Variants in ZC3H3 observed in about 807,000 individuals in gnomAD.
The protein encoded by ZC3H3 is zinc finger CCCH-type containing 3.
A neutral mutation model predicts 77.3 loss-of-function variants in ZC3H3; 36 were observed. That is an observed-to-expected ratio of 0.47 (90% CI 0.36 to 0.61). ZC3H3 has a LOEUF of 0.61. ZC3H3 is among the 20% of genes least tolerant of loss of function. The probability of loss-of-function intolerance (pLI) is 0.00; values close to 1 mark genes in which losing one functional copy is unlikely to be tolerated. For missense variants in ZC3H3, 1,331 were observed against 1,312.2 expected, an observed-to-expected ratio of 1.01 and a Z score of -0.22; for synonymous variants, 626 against 555.2, an observed-to-expected ratio of 1.13 and a Z score of -1.79.
intron 3 of ZC3H3, among the ~76,000 whole-genome samples, chr8:143,508,816 CCT>C (rs893553086): frequency 6.6e-6 from 1 of 152,096 alleles, no homozygotes; most frequent in Non-Finnish European, 1.5e-5. Flanking sequence ...CCCAGCTTCC[CCT>C]GTGCCCGGGA....
At chr8:143,488,732 C>T (rs1054504977) in intron 4 of ZC3H3, among the ~76,000 whole-genome samples, 3 of 152,162 alleles carry the variant, frequency 2.0e-5, no homozygotes, top group Non-Finnish European at 4.4e-5. Context: ...AAGAGACTGG[C>T]AGATTTAAGT....
intron 9 of ZC3H3, among the ~76,000 whole-genome samples, chr8:143,463,281 G>A (rs1023418768): frequency 1.4e-4 from 21 of 150,090 alleles, no homozygotes; most frequent in Middle Eastern, 3.7e-3. Flanking sequence ...CACCGCGCCC[G>A]GCCCAGACCC....
intron 4 of ZC3H3, among the ~76,000 whole-genome samples, chr8:143,507,432 G>A (rs1341158541): frequency 6.6e-6 from 1 of 152,262 alleles, no homozygotes; most frequent in African/African-American, 2.4e-5. Context: ...CTGACCGTCT[G>A]GGCAGCAGAA....
rs191952144 is a variant in ZC3H3, at chr8:143,538,740, G to A, written c.627C>T (p.Gly209=). ...PRMVKSVGSV[G]DSPREPRRTV... ...TCCGGCGGGGCTCCCGGGGGCTGTC[G>A]CCCACACTGCCCACTGACTTCACCA... Residue 209 remains glycine (G), a synonymous_variant, in exon 2 of 12, where the codon GGC becomes GGT. Coordinates refer to ENST00000262577, the MANE Select transcript of ZC3H3 (RefSeq NM_015117.3). The A allele has an allele frequency of 2.5e-5, 40 of 1,609,834 alleles. No homozygotes were observed. The highest frequency in any genetic ancestry group is 2.1e-4 in the African/African-American group (16 of 74,980).
chr8:143,538,076 A>G lies in ZC3H3; in HGVS notation c.1291T>C (p.Ser431Pro), dbSNP rs72691463. 33,261 of 1,612,958 alleles carry G rather than the reference A, an allele frequency of 0.021. 447 individuals carry two copies. The highest frequency in any genetic ancestry group is 0.024 in the Non-Finnish European group (28,247 of 1,179,988). ...TAAGCCGAGAGCGGGGTCTCCCCAG[A>G]GAGGGGCTTCAAGCCACTGTGTCCT... The part of the protein sequence containing the change: ...AVGHSGLKPL[S>P]GETPLSAYKV... Residue 431 changes from serine to proline, a missense_variant, in exon 2 of 12, where the codon TCT becomes CCT. Physicochemically the swap from Ser to Pro is moderately conservative, Grantham distance 74. Coordinates refer to ENST00000262577, the MANE Select transcript of ZC3H3 (RefSeq NM_015117.3).
intron 9 of ZC3H3, among the ~76,000 whole-genome samples, chr8:143,447,030 A>C (rs1819878581): frequency 6.6e-6 from 1 of 152,234 alleles, no homozygotes; most frequent in African/African-American, 2.4e-5. Context: ...GCTGACATGA[A>C]GGGCACAGGG....
intron 4 of ZC3H3, among the ~76,000 whole-genome samples, chr8:143,505,352 C>T (rs984633387): frequency 1.3e-5 from 2 of 152,252 alleles, no homozygotes; most frequent in Non-Finnish European, 2.9e-5. Context: ...CCGGAGATGG[C>T]GCATGGGCCA....
At chr8:143,459,861 T>G (rs1820212208) in intron 9 of ZC3H3, among the ~76,000 whole-genome samples, 2 of 152,198 alleles carry the variant, frequency 1.3e-5, no homozygotes, top group South Asian at 4.1e-4. Flanking sequence ...TTACGTCATA[T>G]TCAATGGTGA....
At chr8:143,508,477 C>A (rs1456451800) in intron 3 of ZC3H3, among the ~76,000 whole-genome samples, 6 of 152,350 alleles carry the variant, frequency 3.9e-5, no homozygotes, top group African/African-American at 1.4e-4. Context: ...GGGTGATAGA[C>A]ACGACGGCTT....
intron 3 of ZC3H3, among the ~76,000 whole-genome samples, chr8:143,525,293 G>A (rs1273047023): frequency 3.9e-5 from 6 of 152,376 alleles, no homozygotes; most frequent in Middle Eastern, 6.8e-3. Flanking sequence ...GCACAGCCTC[G>A]GAGAGCCACA....
intron 3 of ZC3H3, among the ~76,000 whole-genome samples, chr8:143,514,914 C>A (rs1420651361): frequency 2.6e-5 from 4 of 152,242 alleles, no homozygotes; most frequent in Non-Finnish European, 5.9e-5. Flanking sequence ...GGCCCATGTG[C>A]GGCTAGGCCC....
At chr8:143,455,848 C>T (rs1820103145) in intron 9 of ZC3H3, among the ~76,000 whole-genome samples, 1 of 151,752 alleles carries the variant, frequency 6.6e-6, no homozygotes, top group Non-Finnish European at 1.5e-5. Flanking sequence ...TGGTACACAC[C>T]TGTAATCCTA....
At chr8:143,445,583 C>T (rs1819846389) in intron 9 of ZC3H3, among the ~76,000 whole-genome samples, 1 of 151,728 alleles carries the variant, frequency 6.6e-6, no homozygotes, top group African/African-American at 2.4e-5. Context: ...ATCCCTGCTG[C>T]TTGAGAGGCT....
chr8:143,512,219 G>A (rs1416843763), intron 3 of ZC3H3, among the ~76,000 whole-genome samples: 2 of 152,238 alleles, frequency 1.3e-5, no homozygotes. Context: ...ACGGATGGCT[G>A]TGGGCTGTGG....
At position 143,441,263 on chromosome 8, in the gene ZC3H3, T is replaced by C. The variant is rs1819734916; in HGVS notation, c.2308-143A>G. The C allele has an allele frequency of 2.0e-5, 18 of 891,822 alleles. No individual in the cohort carries two copies. The South Asian group carries it at 4.7e-4, about 23-fold the overall frequency. 55.2% of individuals were successfully genotyped at this position (891,822 alleles called of 1,614,324 possible). ...CCAAGTCTTGGGGCCAAAGGCTTCC[T>C]CTTGGAAGGCTGAGGCCACCAGTCC... On this transcript the variant is annotated intron_variant, in intron 9 of 11. Coordinates refer to ENST00000262577, the MANE Select transcript of ZC3H3 (RefSeq NM_015117.3).
chr8:143,458,609 C>T (rs1274995146), intron 9 of ZC3H3, among the ~76,000 whole-genome samples: 1 of 113,934 alleles, frequency 8.8e-6, no homozygotes, highest in African/African-American at 3.4e-5. Context: ...CACAGCTGGG[C>T]GCAGTGGCTC....
chr8:143,521,322 C>T (rs1162800274), intron 3 of ZC3H3, among the ~76,000 whole-genome samples: 4 of 152,168 alleles, frequency 2.6e-5, no homozygotes, highest in African/African-American at 9.6e-5. Context: ...CCTCGAAAGT[C>T]TGAAGGGACT....
intron 3 of ZC3H3, among the ~76,000 whole-genome samples, chr8:143,527,989 G>T (rs1030992910): frequency 6.6e-6 from 1 of 152,226 alleles, no homozygotes; most frequent in African/African-American, 2.4e-5. Flanking sequence ...TCCTGCATCC[G>T]GCAAAGGTCC....
In ZC3H3 at chr8:143,519,195, T is replaced by C. The variant is rs567387269; in HGVS notation, c.1562-11296A>G. On this transcript the variant is annotated intron_variant, in intron 3 of 11. Coordinates refer to ENST00000262577, the MANE Select transcript of ZC3H3 (RefSeq NM_015117.3). ...GTGGGGCACAGGGCCAGGCAGGCAG[T>C]GGCCCAGCATTCGGGTCAGGGTAGG... Among the ~76,000 whole-genome samples, 38 of 152,262 alleles carry C rather than the reference T, an allele frequency of 2.5e-4. No individual in the cohort carries two copies. In the East Asian group the frequency reaches 6.8e-3, roughly 27 times the overall value.
Sources: allele counts gnomAD v4.1 joint callset (sites outside exome capture counted in the v4.1 genomes callset), GRCh38; gene constraint gnomAD v4.1.1; transcripts MANE v1.5; gene names NCBI Gene and HGNC (gene_info 2026-07-23, HGNC 2026-07-21).